The following CEPT1 variants were observed in gnomAD, a reference collection of about 807,000 sequenced individuals.
The protein encoded by CEPT1 is choline/ethanolaminephosphotransferase 1.
CEPT1 carries 7 observed loss-of-function variants against 42.6 expected under a neutral mutation model. The observed-to-expected ratio is 0.16, with a 90% CI of 0.09 to 0.31. The LOEUF (loss-of-function observed/expected upper bound fraction) is 0.31, where lower values mean the gene tolerates loss of function less well. Ranked by LOEUF, CEPT1 falls within the 10% of genes least tolerant of loss-of-function variation. The probability of loss-of-function intolerance (pLI) is 1.00; values close to 1 mark genes in which losing one functional copy is unlikely to be tolerated. For missense variants in CEPT1, 306 were observed against 502.1 expected (o/e 0.61, Z 3.73); for synonymous variants, 171 against 171.9 (o/e 0.99, Z 0.04).
At position 111,174,918 on chromosome 1, in the gene CEPT1, G is replaced by T. The variant is rs1163359874; in HGVS notation, c.669G>T (p.Met223Ile). 1 of 1,612,974 alleles carries T rather than the reference G, an allele frequency of 6.2e-7. No homozygotes were observed. Among genetic ancestry groups the T allele is most frequent in the Admixed American group, 1.7e-5 (1 of 60,000 alleles). The change falls in exon 5 of 9, where the codon ATG becomes ATT. Residue 223 changes from methionine (M) to isoleucine (I), a missense_variant. Met to Ile is a conservative substitution (Grantham distance 10). This residue lies in a region of CEPT1 where 253 missense variants were observed against 447.3 expected (regional missense o/e 0.57). Coordinates refer to ENST00000357172, the MANE Select transcript of CEPT1 (RefSeq NM_006090.5). ...AAGTGCAAATCTTCATAATAATCAT[G>T]CATTTGCTGGCAGTGATTGGAGGAC... ...VTEVQIFIII[M>I]HLLAVIGGPP...
intron 4 of CEPT1, among the ~76,000 whole-genome samples, chr1:111,166,094 G>A (rs1318581053): frequency 6.6e-6 from 1 of 152,030 alleles, no homozygotes; most frequent in African/African-American, 2.4e-5. Flanking sequence ...ACTTCCCTGT[G>A]TAGCTTTTTT....
At chr1:111,181,785 C>T (rs895288258) in intron 5 of CEPT1, 1 of 152,766 alleles carries the variant, frequency 6.5e-6, no homozygotes, top group Non-Finnish European at 1.5e-5. Context: ...TATGAATGTT[C>T]TACAGATTTA....
intron 4 of CEPT1, among the ~76,000 whole-genome samples, chr1:111,168,964 G>A (rs1656280258): frequency 6.6e-6 from 1 of 152,116 alleles, no homozygotes; most frequent in Non-Finnish European, 1.5e-5. Context: ...GATATAAGGT[G>A]GTGTAGTATT....
At chr1:111,162,475 T>G (rs1254991661) in intron 4 of CEPT1, among the ~76,000 whole-genome samples, 1 of 152,092 alleles carries the variant, frequency 6.6e-6, no homozygotes, top group African/African-American at 2.4e-5. Flanking sequence ...GGTGGCTGGA[T>G]GAAGGTAGAG....
intron 6 of CEPT1, chr1:111,182,525 C>A: frequency 8.5e-6 from 5 of 585,908 alleles, no homozygotes; most frequent in Non-Finnish European, 1.2e-5. Flanking sequence ...TGCATACACA[C>A]ACACAAACAC....
intron 4 of CEPT1, among the ~76,000 whole-genome samples, chr1:111,162,575 A>G (rs1455355902): frequency 6.6e-6 from 1 of 152,210 alleles, no homozygotes; most frequent in Non-Finnish European, 1.5e-5. Context: ...ATAAAATGAG[A>G]ACAGGAGAAA....
In CEPT1 at chr1:111,184,686, T is replaced by C. The variant is rs1476972658; in HGVS notation, c.*376T>C. On this transcript the variant is annotated 3_prime_UTR_variant, in exon 9 of 9. Transcript: ENST00000357172. ...GCTTTATAATTTTAACAAATCATTGTCTTTTAGTAACATCCTTGTTTAGTG... is the reference window on the plus strand; with the variant it reads ...GCTTTATAATTTTAACAAATCATTGCCTTTTAGTAACATCCTTGTTTAGTG... 1.9e-5 allele frequency: 3 copies of C among 155,952 alleles called. No individual in the cohort carries two copies. The highest frequency in any genetic ancestry group is 7.2e-5 in the African/African-American group (3 of 41,502). 9.7% of individuals were successfully genotyped at this position (155,952 alleles called of 1,614,324 possible).
chr1:111,161,005 A>G, intron 3 of CEPT1, 150 bp from the exon 4 acceptor site: 1 of 790,664 alleles, frequency 1.3e-6, no homozygotes, highest in Non-Finnish European at 2.0e-6. Context: ...AGATTATGTA[A>G]CAGATTATAT....
intron 1 of CEPT1, among the ~76,000 whole-genome samples, chr1:111,142,898 A>G (rs939669588): frequency 6.6e-6 from 1 of 152,212 alleles, no homozygotes; most frequent in Non-Finnish European, 1.5e-5. Context: ...TACTGATTAC[A>G]AGTGAAAAGG....
At position 111,184,407 on chromosome 1, in the gene CEPT1, A is replaced by T. The variant is rs1012558587; in HGVS notation, c.*97A>T. 1.1e-6 allele frequency: 1 copy of T among 916,342 alleles called. No individual in the cohort carries two copies. The highest frequency in any genetic ancestry group is 1.7e-5 in the African/African-American group (1 of 58,580). The allele number at this position is 916,342 out of a possible 1,614,324, so 56.8% of individuals were successfully genotyped here. On this transcript the variant is annotated 3_prime_UTR_variant, in exon 9 of 9. Coordinates refer to ENST00000357172, the MANE Select transcript of CEPT1 (RefSeq NM_006090.5). ...TGGATAAGAACAAATATAATTTATAATAATCAATGTTGTATAACTTTTATT... is the reference window on the plus strand; with the variant it reads ...TGGATAAGAACAAATATAATTTATATTAATCAATGTTGTATAACTTTTATT...
chr1:111,166,030 C>A (rs1001945803), intron 4 of CEPT1, among the ~76,000 whole-genome samples: 1 of 152,228 alleles, frequency 6.6e-6, no homozygotes, highest in African/African-American at 2.4e-5. Context: ...CTTTAAATGT[C>A]TAATACTTAT....
intron 4 of CEPT1, among the ~76,000 whole-genome samples, chr1:111,165,105 A>G (rs1656075993): frequency 8.0e-6 from 1 of 125,228 alleles, no homozygotes; most frequent in Non-Finnish European, 1.6e-5. Flanking sequence ...GCTAGAGTGC[A>G]GTGGTGCGAT....
intron 2 of CEPT1, among the ~76,000 whole-genome samples, chr1:111,149,244 G>A (rs1202375805): frequency 6.9e-6 from 1 of 145,380 alleles, no homozygotes; most frequent in East Asian, 2.0e-4. Context: ...AGATTTTATA[G>A]ATGTAAAATC....
At chr1:111,172,715 C>A (rs975434558) in intron 4 of CEPT1, among the ~76,000 whole-genome samples, 5 of 152,176 alleles carry the variant, frequency 3.3e-5, no homozygotes, top group African/African-American at 1.2e-4. Flanking sequence ...AGATTAGAAC[C>A]ACACTTCCAG....
chr1:111,165,541 G>A (rs1350332992), intron 4 of CEPT1, among the ~76,000 whole-genome samples: 4 of 152,190 alleles, frequency 2.6e-5, no homozygotes, highest in South Asian at 4.1e-4. Flanking sequence ...GGCAAGGCTC[G>A]TAACTTTCAT....
At chr1:111,153,984 G>T (rs1211889183) in intron 2 of CEPT1, among the ~76,000 whole-genome samples, 1 of 151,816 alleles carries the variant, frequency 6.6e-6, no homozygotes, top group African/African-American at 2.4e-5. Context: ...TTCTATTTCT[G>T]TGAAGAATGT....
At chr1:111,143,710 T>C (rs1654793963) in intron 1 of CEPT1, among the ~76,000 whole-genome samples, 1 of 152,140 alleles carries the variant, frequency 6.6e-6, no homozygotes, top group Non-Finnish European at 1.5e-5. Context: ...TATAAAAATT[T>C]CAGGTGGCTA....
At chr1:111,163,293 C>G (rs970787721) in intron 4 of CEPT1, among the ~76,000 whole-genome samples, 7 of 152,088 alleles carry the variant, frequency 4.6e-5, no homozygotes, top group African/African-American at 1.7e-4. Flanking sequence ...TAAAGCAGCA[C>G]CAAATTTGTT....
chr1:111,177,542 G>A (rs1410349788), intron 5 of CEPT1, among the ~76,000 whole-genome samples: 1 of 152,134 alleles, frequency 6.6e-6, no homozygotes, highest in Non-Finnish European at 1.5e-5. Context: ...GTCTGTGCAC[G>A]TTATATACAT....
Sources: allele counts gnomAD v4.1 joint callset (sites outside exome capture counted in the v4.1 genomes callset), GRCh38; gene constraint gnomAD v4.1.1; regional missense constraint gnomAD v4.1.1; transcripts MANE v1.5; gene names NCBI Gene and HGNC (gene_info 2026-07-23, HGNC 2026-07-21).